The following STX11 variants were observed in gnomAD, a reference collection of about 807,000 sequenced individuals.
STX11 encodes the protein syntaxin-11.
A neutral mutation model predicts 19.9 loss-of-function variants in STX11; 21 were observed. The ratio of observed to expected loss-of-function variants is 1.06; its 90% CI spans 0.75 to 1.52. STX11 has a LOEUF of 1.52. Ranked by LOEUF, STX11 falls within the 40% of genes most tolerant of loss-of-function variation. The pLI is 0.00. For missense variants in STX11, 438 were observed against 405.9 expected, an observed-to-expected ratio of 1.08 and a Z score of -0.68; for synonymous variants, 193 against 174.4, an observed-to-expected ratio of 1.11 and a Z score of -0.84.
chr6:144,187,254 C>A lies in STX11; in HGVS notation c.627C>A (p.Ser209Arg), dbSNP rs1238811811. 1.9e-6 allele frequency: 3 copies of A among 1,613,662 alleles called. No homozygotes were observed. The East Asian group carries it at 6.7e-5, about 36-fold the overall frequency. Residue 209 changes from serine to arginine, a missense_variant, in exon 2 of 2, where the codon AGC (serine) becomes AGA (arginine). Coordinates refer to ENST00000367568, the MANE Select transcript of STX11 (RefSeq NM_003764.4). This position sits in a 1 kb window ranked among gnomAD's most constrained non-coding sequence, Gnocchi z 5.6. Reference protein sequence around the residue: ...GARAALNEIESRHRELLRLES... With the variant: ...GARAALNEIERRHRELLRLES... ...GGGCCGCCCTCAACGAGATCGAGAG[C>A]CGCCACCGCGAACTGCTGCGCCTGG...
At chr6:144,140,436 G>A in the STX11 span, among the ~76,000 whole-genome samples, 2 of 151,290 alleles carry the variant, frequency 1.3e-5, no homozygotes, top group South Asian at 2.1e-4. Flanking sequence ...TGTATTTTTA[G>A]TAGAGATGGG....
chr6:144,184,321 T>C lies in STX11; in HGVS notation c.-5-2302T>C, dbSNP rs1359211400. 1.3e-5 allele frequency among the ~76,000 whole-genome samples: 2 copies of C among 152,220 alleles called. No homozygotes were observed. The highest frequency in any genetic ancestry group is 6.5e-5 in the Admixed American group (1 of 15,288). ...CTAATTCACATTCCCACCAACAGTG[T>C]AAAAGCATTCCTATTTCTTCACAAC... On this transcript the variant is annotated intron_variant, in intron 1 of 1. Transcript: ENST00000367568. This position sits in a 1 kb window ranked among gnomAD's most constrained non-coding sequence, Gnocchi z 6.5.
chr6:144,157,916 C>A (rs529556412), intron 1 of STX11, among the ~76,000 whole-genome samples: 1 of 151,766 alleles, frequency 6.6e-6, no homozygotes, highest in Admixed American at 6.6e-5. Context: ...TCAAACCAGT[C>A]CAGTGTGTAG....
chr6:144,149,375 G>T (rs983544018), upstream of STX11, among the ~76,000 whole-genome samples: 3 of 151,914 alleles, frequency 2.0e-5, no homozygotes, highest in Non-Finnish European at 4.4e-5. This position sits in a 1 kb window ranked among gnomAD's most constrained non-coding sequence, Gnocchi z 5.1. Flanking sequence ...AGTTTACTTC[G>T]TTGCTCAAAT....
In STX11 at chr6:144,172,189, A is replaced by G. The variant is rs76225736; in HGVS notation, c.-5-14434A>G. Among the ~76,000 whole-genome samples, 4,710 of 152,228 alleles carry G rather than the reference A, an allele frequency of 0.031. 224 individuals are homozygous for G. Among genetic ancestry groups the G allele is most frequent in the African/African-American group, 0.1 (4,197 of 41,522 alleles). ...AGCCACCCCCAAATAACAATTTTCTATTTCTCATGGGTGCAAGGATTAAAT... is the reference window on the plus strand; with the variant it reads ...AGCCACCCCCAAATAACAATTTTCTGTTTCTCATGGGTGCAAGGATTAAAT... On this transcript the variant is annotated intron_variant, in intron 1 of 1. Coordinates refer to ENST00000367568, the MANE Select transcript of STX11 (RefSeq NM_003764.4). The surrounding 1 kb of genome is among the most constrained non-coding windows in gnomAD (Gnocchi z 4.2).
At chr6:144,146,685 T>C (rs1489714464), upstream of STX11, among the ~76,000 whole-genome samples, 1 of 152,188 alleles carries the variant, frequency 6.6e-6, no homozygotes, top group Non-Finnish European at 1.5e-5. This position sits in a 1 kb window ranked among gnomAD's most constrained non-coding sequence, Gnocchi z 4.4. Flanking sequence ...ACTTTCTGAA[T>C]AGCTGGGACA....
rs145050898 is a variant in STX11, at chr6:144,184,316, C to T, written c.-5-2307C>T. Among the ~76,000 whole-genome samples, 32 of 152,336 alleles carry T rather than the reference C, an allele frequency of 2.1e-4. No individual in the cohort carries two copies. Among genetic ancestry groups the T allele is most frequent in the Middle Eastern group, 3.4e-3 (1 of 294 alleles). On this transcript the variant is annotated intron_variant, in intron 1 of 1. Transcript: ENST00000367568. This position sits in a 1 kb window ranked among gnomAD's most constrained non-coding sequence, Gnocchi z 6.5. ...TTGAACTAATTCACATTCCCACCAA[C>T]AGTGTAAAAGCATTCCTATTTCTTC...
At position 144,184,544 on chromosome 6, in the gene STX11, A is replaced by G. The variant is rs1448967286; in HGVS notation, c.-5-2079A>G. 6.6e-6 allele frequency among the ~76,000 whole-genome samples: 1 copy of G among 152,234 alleles called. No homozygotes were observed. The highest frequency in any genetic ancestry group is 1.5e-5 in the Non-Finnish European group (1 of 68,040). ...TTTGCATTTCCTTGTTTAATACAGA[A>G]GTCTTTTGTGACTATATTTTTATAC... On this transcript the variant is annotated intron_variant, in intron 1 of 1. Coordinates refer to ENST00000367568, the MANE Select transcript of STX11 (RefSeq NM_003764.4). The surrounding 1 kb of genome is among the most constrained non-coding windows in gnomAD (Gnocchi z 6.5).
intron 1 of STX11, among the ~76,000 whole-genome samples, chr6:144,161,157 A>G (rs1307536691): frequency 1.3e-5 from 2 of 152,216 alleles, no homozygotes; most frequent in East Asian, 1.9e-4. Flanking sequence ...AGCTCCATTT[A>G]TTATATTTTC....
At chr6:144,164,666 A>G (rs1008239739) in intron 1 of STX11, among the ~76,000 whole-genome samples, 1 of 152,100 alleles carries the variant, frequency 6.6e-6, no homozygotes, top group Admixed American at 6.6e-5. Flanking sequence ...ATACCTGTAG[A>G]TGTTGATTCT....
At chr6:144,146,093 T>C (rs1800868591), upstream of STX11, among the ~76,000 whole-genome samples, 1 of 152,220 alleles carries the variant, frequency 6.6e-6, no homozygotes, top group Non-Finnish European at 1.5e-5. The surrounding 1 kb of genome is among the most constrained non-coding windows in gnomAD (Gnocchi z 4.4). Context: ...AATGACTATT[T>C]GACTGAGGGC....
At position 144,177,147 on chromosome 6, in the gene STX11, G is replaced by A. The variant is rs1801797135; in HGVS notation, c.-5-9476G>A. ...TCATTGATGATTCTGGAAACTCCAT[G>A]GATTTCTCCCTTTCAAAGATACTTC... On this transcript the variant is annotated intron_variant, in intron 1 of 1. Transcript: ENST00000367568. This position sits in a 1 kb window ranked among gnomAD's most constrained non-coding sequence, Gnocchi z 4.4. Among the ~76,000 whole-genome samples, 1 of 152,152 alleles carries A rather than the reference G, an allele frequency of 6.6e-6. No individual in the cohort carries two copies. Among genetic ancestry groups the A allele is most frequent in the Non-Finnish European group, 1.5e-5 (1 of 68,022 alleles).
rs1004050103 is a variant in STX11 at position 144,175,650 on chromosome 6, A to G, written c.-5-10973A>G. Among the ~76,000 whole-genome samples the G allele has an allele frequency of 6.6e-6, 1 of 152,224 alleles. No homozygotes were observed. Among genetic ancestry groups the G allele is most frequent in the Non-Finnish European group, 1.5e-5 (1 of 68,042 alleles). On this transcript the variant is annotated intron_variant, in intron 1 of 1. Transcript: ENST00000367568. This position sits in a 1 kb window ranked among gnomAD's most constrained non-coding sequence, Gnocchi z 5.1. ...TCATTATTTGTATGTGAATACAATG[A>G]GCCTCTCTTTCCTCATCTTTACAGT...
chr6:144,146,923 G>T (rs1250271856), upstream of STX11, among the ~76,000 whole-genome samples: 11 of 152,174 alleles, frequency 7.2e-5, no homozygotes, highest in African/African-American at 2.7e-4. The surrounding 1 kb of genome is among the most constrained non-coding windows in gnomAD (Gnocchi z 4.4). Flanking sequence ...GGGGAAGATT[G>T]CTGGGGATTA....
chr6:144,174,413 A>G lies in STX11; in HGVS notation c.-5-12210A>G, dbSNP rs2128752503. On this transcript the variant is annotated intron_variant, in intron 1 of 1. Coordinates refer to ENST00000367568, the MANE Select transcript of STX11 (RefSeq NM_003764.4). This position sits in a 1 kb window ranked among gnomAD's most constrained non-coding sequence, Gnocchi z 5.3. Reference sequence around the variant, plus strand: ...TTGAGACAGGGTCACGCTGTCATCCAGGCTGGAGTGCAGTGGTGTGATCTT... The same window carrying G: ...TTGAGACAGGGTCACGCTGTCATCCGGGCTGGAGTGCAGTGGTGTGATCTT... Among the ~76,000 whole-genome samples the G allele has an allele frequency of 6.6e-6, 1 of 152,300 alleles. No homozygotes were observed. The highest frequency in any genetic ancestry group is 1.9e-4 in the East Asian group (1 of 5,184).
chr6:144,155,022 A>G lies in STX11; in HGVS notation c.-6+4319A>G, dbSNP rs1166663481. 6.6e-6 allele frequency among the ~76,000 whole-genome samples: 1 copy of G among 152,228 alleles called. No homozygotes were observed. Among genetic ancestry groups the G allele is most frequent in the Non-Finnish European group, 1.5e-5 (1 of 68,038 alleles). On this transcript the variant is annotated intron_variant, in intron 1 of 1. Coordinates refer to ENST00000367568, the MANE Select transcript of STX11 (RefSeq NM_003764.4). The surrounding 1 kb of genome is among the most constrained non-coding windows in gnomAD (Gnocchi z 4.5). Reference sequence around the variant, plus strand: ...ATTCAACCTACCCTGACTTGGATTAATATCCTGATTTTTGTTCAGCAATCA... The same window carrying G: ...ATTCAACCTACCCTGACTTGGATTAGTATCCTGATTTTTGTTCAGCAATCA...
In STX11 at chr6:144,152,762, T is replaced by C. The variant is rs1801038011; in HGVS notation, c.-6+2059T>C. 6.6e-6 allele frequency among the ~76,000 whole-genome samples: 1 copy of C among 152,206 alleles called. No homozygotes were observed. The highest frequency in any genetic ancestry group is 1.5e-5 in the Non-Finnish European group (1 of 68,034). ...AATTCTTGTGCTTCAGCGTCCCAAG[T>C]AGCTGGGACTACAGACACCCACCAC... On this transcript the variant is annotated intron_variant, in intron 1 of 1. Transcript: ENST00000367568. The surrounding 1 kb of genome is among the most constrained non-coding windows in gnomAD (Gnocchi z 4.9).
At chr6:144,157,406 A>G (rs1584018303) in intron 1 of STX11, among the ~76,000 whole-genome samples, 1 of 152,272 alleles carries the variant, frequency 6.6e-6, no homozygotes, top group East Asian at 1.9e-4. Flanking sequence ...CAACCTTCCT[A>G]GTACCTGGGG....
Position 144,190,915 on chromosome 6 carries a change from C to A in STX11, c.*3424C>A, listed in dbSNP as rs929863618. 6.6e-6 allele frequency among the ~76,000 whole-genome samples: 1 copy of A among 152,086 alleles called. No homozygotes were observed. The highest frequency in any genetic ancestry group is 1.5e-5 in the Non-Finnish European group (1 of 68,016). ...GCAGTGGGTGAAATGCTGGCTTTTT[C>A]CTTAAGAAATTGTGTTCTAGTGCCA... On this transcript the variant is annotated 3_prime_UTR_variant, in exon 2 of 2. Coordinates refer to ENST00000367568, the MANE Select transcript of STX11 (RefSeq NM_003764.4).
Sources: gnomAD v4.1 joint callset for allele counts (sites outside exome capture counted in the v4.1 genomes callset) on GRCh38, gnomAD v4.1.1 for gene constraint, Gnocchi (gnomAD v3.1) non-coding constraint, MANE v1.5 for transcripts, NCBI Gene and HGNC (gene_info 2026-07-23, HGNC 2026-07-21) for gene names.